Variants in TNRC6C observed in about 807,000 individuals in gnomAD.
The protein encoded by TNRC6C is trinucleotide repeat containing adaptor 6C.
A neutral mutation model predicts 153.7 loss-of-function variants in TNRC6C; 20 were observed. That is an observed-to-expected ratio of 0.13 (90% CI 0.09 to 0.19). TNRC6C has a LOEUF of 0.19. Ranked by LOEUF, TNRC6C falls within the 10% of genes least tolerant of loss-of-function variation. The pLI is 1.00. For missense variants in TNRC6C, 1,987 were observed against 2,172.0 expected (o/e 0.91, Z 1.69); for synonymous variants, 811 against 841.4 (o/e 0.96, Z 0.63).
exon 20 of TNRC6C, chr17:78,105,278 G>A (rs554717047): frequency 1.9e-4 from 30 of 156,754 alleles, no homozygotes; most frequent in Non-Finnish European, 3.4e-4. Context: ...GACCAGAGGC[G>A]GCCGGTAATC....
chr17:77,977,355 A>G (rs2071015766), intron 1 of TNRC6C, among the ~76,000 whole-genome samples: 1 of 152,220 alleles, frequency 6.6e-6, no homozygotes, highest in South Asian at 2.1e-4. Flanking sequence ...TGGGGAAAAT[A>G]TGAAGAGCAT....
intron 11 of TNRC6C, among the ~76,000 whole-genome samples, chr17:78,085,625 A>G (rs1280543467): frequency 6.6e-6 from 1 of 152,178 alleles, no homozygotes; most frequent in Non-Finnish European, 1.5e-5. Flanking sequence ...CATAACTTTA[A>G]CCAACTTTGT....
upstream of TNRC6C, among the ~76,000 whole-genome samples, chr17:77,958,280 C>T (rs1014185148): frequency 6.6e-6 from 1 of 152,012 alleles, no homozygotes; most frequent in African/African-American, 2.4e-5. Context: ...CACCCTAACG[C>T]GGAGCCACAG....
chr17:77,983,321 A>C (rs558806661), intron 1 of TNRC6C, among the ~76,000 whole-genome samples: 1 of 152,176 alleles, frequency 6.6e-6, no homozygotes, highest in Non-Finnish European at 1.5e-5. Flanking sequence ...CCCATTTGGG[A>C]CTGTTGATGC....
chr17:78,046,185 CTTTTT>C (rs567181283), intron 2 of TNRC6C, among the ~76,000 whole-genome samples: 1 of 141,696 alleles, frequency 7.1e-6, no homozygotes. Flanking sequence ...TTTTAGGATT[CTTTTT>C]TTTTTTTTTG....
intron 1 of TNRC6C, among the ~76,000 whole-genome samples, chr17:77,984,905 A>G (rs887158970): frequency 5.9e-5 from 9 of 152,018 alleles, no homozygotes; most frequent in African/African-American, 2.2e-4. Context: ...CTCTCTCTGG[A>G]CCCCATAAGG....
At position 78,087,106 on chromosome 17, in the gene TNRC6C, T is replaced by C. The variant is rs765610091; in HGVS notation, c.3802+13T>C. On this transcript the variant is annotated intron_variant, in intron 13 of 19. Transcript: ENST00000301624. ...CCTTACCCTCTCGGTGAGTGTCCCA[T>C]GGTCTTCAACAGCCACATCAGGTAG... The C allele has an allele frequency of 1.2e-6, 2 of 1,611,788 alleles. No individual in the cohort carries two copies. The highest frequency in any genetic ancestry group is 4.5e-5 in the East Asian group (2 of 44,854).
chr17:77,990,597 C>G (rs575245913), intron 1 of TNRC6C, among the ~76,000 whole-genome samples: 3 of 152,170 alleles, frequency 2.0e-5, no homozygotes, highest in Non-Finnish European at 4.4e-5. Context: ...GACCTCCTGA[C>G]CAGCCAGAAT....
rs573571174 is a variant in TNRC6C, at chr17:78,042,540, C to T, written c.-218-6305C>T. Among the ~76,000 whole-genome samples the T allele has an allele frequency of 8.6e-4, 131 of 151,574 alleles. 2 individuals carry two copies. The highest frequency in any genetic ancestry group is 2.0e-3 in the Admixed American group (30 of 15,248). ...GTTTTCATTCATTTCAAAATGGCTG[C>T]TCTTAAAATTCGGTCATTTCACAGA... is the stretch of plus-strand genomic sequence containing the variant. On this transcript the variant is annotated intron_variant, in intron 2 of 19. Coordinates refer to ENST00000301624, the Ensembl canonical transcript of TNRC6C.
Position 78,079,110 on chromosome 17 carries a change from A to G in TNRC6C, c.3211-285A>G, listed in dbSNP as rs989060534. ...CATCTAAAAAAAAAAAAAGCCAGGC[A>G]TAGTGGCGGGGGTCTGTAATCCCAG... On this transcript the variant is annotated intron_variant, in intron 9 of 19. Transcript: ENST00000301624. The surrounding 1 kb of genome is among the most constrained non-coding windows in gnomAD (Gnocchi z 4.3). Among the ~76,000 whole-genome samples, 1 of 150,842 alleles carries G rather than the reference A, an allele frequency of 6.6e-6. No individual in the cohort carries two copies. Among genetic ancestry groups the G allele is most frequent in the African/African-American group, 2.4e-5 (1 of 41,086 alleles).
chr17:78,019,395 G>A (rs1298276566), intron 1 of TNRC6C, among the ~76,000 whole-genome samples: 1 of 152,186 alleles, frequency 6.6e-6, no homozygotes, highest in Non-Finnish European at 1.5e-5. Context: ...TGTCCATACT[G>A]TAGCCTGTCA....
At chr17:78,072,994 G>A in intron 6 of TNRC6C, 43 bp from the exon 9 acceptor site, 1 of 1,434,960 alleles carries the variant, frequency 7.0e-7, no homozygotes, top group Non-Finnish European at 9.5e-7. Context: ...CTTTCCTTTT[G>A]TTAATTAATG....
At chr17:77,984,357 A>C (rs1598649163) in intron 1 of TNRC6C, among the ~76,000 whole-genome samples, 1 of 50,834 alleles carries the variant, frequency 2.0e-5, no homozygotes, top group African/African-American at 1.5e-4. Flanking sequence ...ATCAATACTT[A>C]AAAAAAAAAA....
At chr17:78,004,481 T>G (rs2071462328), upstream of TNRC6C, among the ~76,000 whole-genome samples, 1 of 152,170 alleles carries the variant, frequency 6.6e-6, no homozygotes, top group Non-Finnish European at 1.5e-5. Flanking sequence ...AGAGCTGTGT[T>G]TTAAGGAAGC....
At chr17:78,055,567 T>C (rs1301058846) in intron 3 of TNRC6C, among the ~76,000 whole-genome samples, 1 of 152,204 alleles carries the variant, frequency 6.6e-6, no homozygotes, top group Admixed American at 6.5e-5. Context: ...TAGGGGACCA[T>C]TGTCCTGTAC....
intron 1 of TNRC6C, among the ~76,000 whole-genome samples, chr17:78,027,582 GA>G (rs2071967549): frequency 6.6e-6 from 1 of 152,204 alleles, no homozygotes; most frequent in African/African-American, 2.4e-5. Context: ...ACTTTGGAGA[GA>G]GTTGTGAGTT....
At chr17:77,996,921 T>C (rs1197444995) in intron 1 of TNRC6C, among the ~76,000 whole-genome samples, 1 of 152,120 alleles carries the variant, frequency 6.6e-6, no homozygotes, top group Non-Finnish European at 1.5e-5. Flanking sequence ...GAAAGGAAGC[T>C]GAGTGGCAGA....
At chr17:78,025,825 A>G (rs1028451063) in intron 1 of TNRC6C, among the ~76,000 whole-genome samples, 3 of 152,210 alleles carry the variant, frequency 2.0e-5, no homozygotes, top group African/African-American at 7.2e-5. Context: ...AAATAGGAGC[A>G]GAGACAGGCT....
intron 3 of TNRC6C, among the ~76,000 whole-genome samples, chr17:78,054,170 A>G (rs1004910491): frequency 2.0e-5 from 3 of 152,168 alleles, no homozygotes; most frequent in African/African-American, 7.2e-5. Flanking sequence ...AAAATATGGT[A>G]TAAAATATTT....
Sources: gnomAD v4.1 joint callset for allele counts (sites outside exome capture counted in the v4.1 genomes callset) on GRCh38, gnomAD v4.1.1 for gene constraint, Gnocchi (gnomAD v3.1) non-coding constraint, MANE v1.5 for transcripts, NCBI Gene and HGNC (gene_info 2026-07-23, HGNC 2026-07-21) for gene names.